Variants in HACD2 observed in about 807,000 individuals in gnomAD.
HACD2 encodes the protein very-long-chain (3R)-3-hydroxyacyl-CoA dehydratase 2.
A neutral mutation model predicts 31.0 loss-of-function variants in HACD2; 15 were observed. That is an observed-to-expected ratio of 0.48 (90% CI 0.32 to 0.75). The LOEUF (loss-of-function observed/expected upper bound fraction) is 0.75, where lower values mean the gene tolerates loss of function less well. Among genes scored for constraint, HACD2 ranks in the 30% least tolerant of loss-of-function variants. HACD2 has a pLI of 0.03. For synonymous variants in HACD2, 115 were observed against 122.2 expected, an observed-to-expected ratio of 0.94 and a Z score of 0.39; for missense variants, 283 against 313.0, an observed-to-expected ratio of 0.90 and a Z score of 0.72.
intron 3 of HACD2, among the ~76,000 whole-genome samples, chr3:123,551,910 CA>C (rs1443645099): frequency 3.9e-5 from 6 of 152,138 alleles, no homozygotes; most frequent in Non-Finnish European, 8.8e-5. Flanking sequence ...TACAGATCAA[CA>C]GTAACAAATA....
At chr3:123,528,547 A>G (rs988374381) in intron 3 of HACD2, 73 bp from the exon 4 acceptor site, 3 of 935,364 alleles carry the variant, frequency 3.2e-6, no homozygotes, top group African/African-American at 1.6e-5. Context: ...TTTCTAAAAC[A>G]TTCCAACTTA....
chr3:123,507,856 C>T (rs2055997764), intron 4 of HACD2, among the ~76,000 whole-genome samples: 1 of 152,078 alleles, frequency 6.6e-6, no homozygotes, highest in Non-Finnish European at 1.5e-5. Flanking sequence ...TTTAATTATA[C>T]ACTTAACATG....
At chr3:123,515,913 T>C (rs1008816843) in intron 4 of HACD2, among the ~76,000 whole-genome samples, 3 of 152,014 alleles carry the variant, frequency 2.0e-5, no homozygotes, top group Admixed American at 1.3e-4. Flanking sequence ...TGCACCACCA[T>C]GCCCGGCTAA....
intron 3 of HACD2, among the ~76,000 whole-genome samples, chr3:123,532,846 A>C (rs2056380798): frequency 6.6e-6 from 1 of 151,480 alleles, no homozygotes; most frequent in South Asian, 2.1e-4. Context: ...AAAAAAAAAA[A>C]AAAAAAAAAA....
intron 4 of HACD2, among the ~76,000 whole-genome samples, chr3:123,510,302 C>G (rs987303193): frequency 6.6e-6 from 1 of 152,180 alleles, no homozygotes; most frequent in Non-Finnish European, 1.5e-5. Context: ...GGCAGGAGTG[C>G]AGTGGTCCAA....
chr3:123,515,686 T>C (rs1559905667), intron 4 of HACD2, among the ~76,000 whole-genome samples: 2 of 152,174 alleles, frequency 1.3e-5, no homozygotes, highest in African/African-American at 4.8e-5. Flanking sequence ...ATCCTTGATA[T>C]TGAAATGTAA....
At chr3:123,555,350 A>AACAC (rs370102601) in intron 3 of HACD2, among the ~76,000 whole-genome samples, 1 of 151,872 alleles carries the variant, frequency 6.6e-6, no homozygotes, top group Non-Finnish European at 1.5e-5. Context: ...AGAATCTACA[A>AACAC]ACACACACAC....
chr3:123,500,701 A>G lies in HACD2; in HGVS notation c.504-8T>C. 6.3e-7 allele frequency: 1 copy of G among 1,580,880 alleles called. No homozygotes were observed. The highest frequency in any genetic ancestry group is 8.6e-7 in the Non-Finnish European group (1 of 1,166,786). Reference sequence around the variant, plus strand: ...ACAATGAAAAGTGTGTACCTAAAACAAAACAAAATATTCATTACTGAGGCT... The same window carrying G: ...ACAATGAAAAGTGTGTACCTAAAACGAAACAAAATATTCATTACTGAGGCT... On this transcript the variant is annotated splice_polypyrimidine_tract_variant and splice_region_variant and intron_variant, in intron 5 of 6. Transcript: ENST00000383657.
At chr3:123,572,823 G>A (rs2056869666) in intron 2 of HACD2, among the ~76,000 whole-genome samples, 2 of 152,164 alleles carry the variant, frequency 1.3e-5, no homozygotes, top group South Asian at 4.1e-4. Flanking sequence ...CTCAGCTGCA[G>A]CCCATGGACT....
At chr3:123,537,309 G>A (rs1291419723) in intron 3 of HACD2, among the ~76,000 whole-genome samples, 1 of 152,094 alleles carries the variant, frequency 6.6e-6, no homozygotes, top group African/African-American at 2.4e-5. Flanking sequence ...GCCAGGCATG[G>A]CAATCCCGGA....
chr3:123,530,464 T>C (rs2056344425), intron 3 of HACD2, among the ~76,000 whole-genome samples: 1 of 150,828 alleles, frequency 6.6e-6, no homozygotes. Context: ...GCTAGAGTGC[T>C]GTGGGGCGAT....
intron 4 of HACD2, among the ~76,000 whole-genome samples, chr3:123,515,757 G>GT (rs1028973342): frequency 3.3e-5 from 5 of 151,828 alleles, no homozygotes; most frequent in African/African-American, 1.2e-4. Flanking sequence ...GTATGTTGGG[G>GT]TTTTTTGTTT....
intron 3 of HACD2, among the ~76,000 whole-genome samples, chr3:123,539,914 A>AAAT (rs2093042105): frequency 1.5e-5 from 2 of 137,144 alleles, no homozygotes; most frequent in Non-Finnish European, 3.1e-5. Flanking sequence ...TCTCTACTAA[A>AAAT]AAAAAAAAAA....
At chr3:123,500,390 C>T (rs1170703612) in intron 6 of HACD2, 125 bp downstream of exon 6, 2 of 678,268 alleles carry the variant, frequency 2.9e-6, no homozygotes, top group Non-Finnish European at 4.8e-6. Flanking sequence ...CAATAAAAAC[C>T]AAGAATTCCC....
chr3:123,513,577 C>G (rs906530473), intron 4 of HACD2, among the ~76,000 whole-genome samples: 1 of 152,118 alleles, frequency 6.6e-6, no homozygotes, highest in Non-Finnish European at 1.5e-5. Context: ...GACACAAGGC[C>G]ATGAGGGACA....
intron 3 of HACD2, among the ~76,000 whole-genome samples, chr3:123,538,687 G>A (rs2056453984): frequency 6.6e-6 from 1 of 152,114 alleles, no homozygotes; most frequent in Non-Finnish European, 1.5e-5. Flanking sequence ...AAAACAAAAT[G>A]AACAGAAAAA....
At chr3:123,556,854 T>G (rs577113396) in intron 3 of HACD2, among the ~76,000 whole-genome samples, 1 of 152,214 alleles carries the variant, frequency 6.6e-6, no homozygotes, top group Non-Finnish European at 1.5e-5. Flanking sequence ...AGATGTGCCA[T>G]AGCATTTGTC....
chr3:123,498,087 G>A (rs2055856163), intron 6 of HACD2, among the ~76,000 whole-genome samples: 1 of 152,236 alleles, frequency 6.6e-6, no homozygotes, highest in African/African-American at 2.4e-5. Flanking sequence ...CTGAACCACT[G>A]AGAACATCCA....
intron 3 of HACD2, among the ~76,000 whole-genome samples, chr3:123,531,828 G>C (rs1274822063): frequency 6.6e-6 from 1 of 152,090 alleles, no homozygotes; most frequent in East Asian, 1.9e-4. Context: ...GAGTTAATAT[G>C]TTTGTTTATT....
Sources: gnomAD v4.1 joint callset for allele counts (sites outside exome capture counted in the v4.1 genomes callset) on GRCh38, gnomAD v4.1.1 for gene constraint, MANE v1.5 for transcripts, NCBI Gene and HGNC (gene_info 2026-07-23, HGNC 2026-07-21) for gene names.